Variants in JAZF1 observed in about 807,000 individuals in gnomAD.
JAZF1 encodes the protein JAZF zinc finger 1.
In JAZF1, 8 loss-of-function variants were observed where a neutral mutation model predicts 26.4. The observed-to-expected ratio is 0.30, with a 90% CI of 0.18 to 0.55. The LOEUF is 0.55. Among genes scored for constraint, JAZF1 ranks in the 20% least tolerant of loss-of-function variants. The pLI is 0.94. For synonymous variants in JAZF1, 126 were observed against 122.3 expected, an observed-to-expected ratio of 1.03 and a Z score of -0.20; for missense variants, 199 against 322.0, an observed-to-expected ratio of 0.62 and a Z score of 2.92.
At chr7:27,863,181 C>T (rs564410678) in intron 3 of JAZF1, among the ~76,000 whole-genome samples, 9 of 152,342 alleles carry the variant, frequency 5.9e-5, no homozygotes, top group South Asian at 2.1e-4. Context: ...TCTCTGCCTA[C>T]GGCTACTTCG....
chr7:27,968,749 T>C (rs920444861), intron 2 of JAZF1, among the ~76,000 whole-genome samples: 3 of 152,204 alleles, frequency 2.0e-5, no homozygotes, highest in African/African-American at 7.2e-5. Flanking sequence ...CAGCTTTTCA[T>C]CATACTTATT....
chr7:28,042,506 C>G (rs60825597), intron 1 of JAZF1, among the ~76,000 whole-genome samples: 2,596 of 152,214 alleles, frequency 0.017, 65 homozygotes, highest in African/African-American at 0.057. Flanking sequence ...AAGCAGAAAG[C>G]AAATTAATTT....
chr7:27,900,612 A>G (rs891093576), intron 2 of JAZF1, among the ~76,000 whole-genome samples: 4 of 152,152 alleles, frequency 2.6e-5, no homozygotes, highest in African/African-American at 9.7e-5. Flanking sequence ...TTATTTTTTA[A>G]TGTGGGGAAA....
At chr7:28,056,435 T>TACACACACACAC (rs3073772) in intron 1 of JAZF1, among the ~76,000 whole-genome samples, 14 of 98,202 alleles carry the variant, frequency 1.4e-4, no homozygotes, top group East Asian at 4.3e-4. Context: ...TTTCAACAAC[T>TACACACACACAC]ACACACACAC....
chr7:28,047,341 T>A (rs1783513467), intron 1 of JAZF1, among the ~76,000 whole-genome samples: 1 of 152,138 alleles, frequency 6.6e-6, no homozygotes, highest in African/African-American at 2.4e-5. Flanking sequence ...CTGTATGAAC[T>A]TTAGAAACAA....
At chr7:27,846,392 C>CATATACGTATACGTGTGTAT (rs141603370) in intron 3 of JAZF1, 1 of 418,422 alleles carries the variant, frequency 2.4e-6, no homozygotes, top group Non-Finnish European at 4.9e-6. Context: ...CGTATATATA[C>CATATACGTATACGTGTGTAT]ATATACGTAT....
intron 3 of JAZF1, among the ~76,000 whole-genome samples, chr7:27,867,261 T>G (rs552610212): frequency 6.6e-6 from 1 of 152,308 alleles, no homozygotes; most frequent in South Asian, 2.1e-4. Flanking sequence ...AATTAGGGTC[T>G]GCCAGCCAAA....
At chr7:28,052,287 T>C (rs1488601063) in intron 1 of JAZF1, among the ~76,000 whole-genome samples, 1 of 152,228 alleles carries the variant, frequency 6.6e-6, no homozygotes, top group Non-Finnish European at 1.5e-5. Flanking sequence ...TATTAAAAAA[T>C]GGGTGCTTCT....
intron 1 of JAZF1, among the ~76,000 whole-genome samples, chr7:28,156,681 G>T (rs1233932110): frequency 6.6e-6 from 1 of 152,126 alleles, no homozygotes; most frequent in Non-Finnish European, 1.5e-5. Context: ...TAGGTGTGGG[G>T]CAAGAGGACA....
chr7:28,179,596 G>C (rs1474009881), intron 1 of JAZF1, among the ~76,000 whole-genome samples: 1 of 151,138 alleles, frequency 6.6e-6, no homozygotes, highest in African/African-American at 2.4e-5. Flanking sequence ...CGCCGCAGGG[G>C]CCTCCAGGGC....
intron 2 of JAZF1, among the ~76,000 whole-genome samples, chr7:27,961,365 T>C (rs145825114): frequency 3.3e-5 from 5 of 152,220 alleles, no homozygotes; most frequent in Non-Finnish European, 2.9e-5. Context: ...TTATAATATA[T>C]GATGTGTATA....
chr7:27,992,879 C>T (rs374664649), intron 1 of JAZF1, among the ~76,000 whole-genome samples: 1 of 152,090 alleles, frequency 6.6e-6, no homozygotes, highest in South Asian at 2.1e-4. Context: ...GGCAGTAACC[C>T]CTTCTTTGAT....
intron 4 of JAZF1, among the ~76,000 whole-genome samples, chr7:27,835,179 T>G (rs901733860): frequency 2.0e-5 from 3 of 151,676 alleles, no homozygotes; most frequent in Non-Finnish European, 4.4e-5. Flanking sequence ...TGTCAGAAAA[T>G]AGAGGAAACC....
chr7:27,899,235 G>A (rs1158274390), intron 2 of JAZF1, among the ~76,000 whole-genome samples: 1 of 152,212 alleles, frequency 6.6e-6, no homozygotes, highest in South Asian at 2.1e-4. Flanking sequence ...GAGAAGCCAA[G>A]GAGGCACAGC....
chr7:27,874,244 C>T (rs1783634305), intron 3 of JAZF1, among the ~76,000 whole-genome samples: 1 of 152,222 alleles, frequency 6.6e-6, no homozygotes, highest in African/African-American at 2.4e-5. Flanking sequence ...GCTGAAGGAG[C>T]TGAGGCTGGG....
chr7:27,844,137 A>C (rs564771915), intron 3 of JAZF1: 1 of 152,344 alleles, frequency 6.6e-6, no homozygotes, highest in East Asian at 1.9e-4. Flanking sequence ...AGGCGCTCAG[A>C]TGCTGGCACC....
rs765673336 is a variant in JAZF1 at position 27,840,929 on chromosome 7, G to A, written c.386-62C>T. 6.4e-7 allele frequency: 1 copy of A among 1,561,484 alleles called. No individual in the cohort carries two copies. The highest frequency in any genetic ancestry group is 1.1e-5 in the South Asian group (1 of 87,368). On this transcript the variant is annotated intron_variant, in intron 3 of 4. Coordinates refer to ENST00000283928, the MANE Select transcript of JAZF1 (RefSeq NM_175061.4). This position sits in a 1 kb window ranked among gnomAD's most constrained non-coding sequence, Gnocchi z 5.1. ...GCTCATCTCCCCACAGGTTCACCCG[G>A]CCACTTCCAGGACAGGAGATGTGGC...
chr7:27,967,612 A>G (rs867774566), intron 2 of JAZF1, among the ~76,000 whole-genome samples: 2 of 152,202 alleles, frequency 1.3e-5, no homozygotes, highest in Non-Finnish European at 2.9e-5. Context: ...CTCTAATGCA[A>G]TTTTACACAT....
At chr7:27,973,894 T>C (rs1261449691) in intron 2 of JAZF1, among the ~76,000 whole-genome samples, 2 of 152,156 alleles carry the variant, frequency 1.3e-5, no homozygotes, top group African/African-American at 2.4e-5. Context: ...CGGTGAACTC[T>C]TGGGACAATC....
Sources: gnomAD v4.1 joint callset for allele counts (sites outside exome capture counted in the v4.1 genomes callset) on GRCh38, gnomAD v4.1.1 for gene constraint, Gnocchi (gnomAD v3.1) non-coding constraint, MANE v1.5 for transcripts, NCBI Gene and HGNC (gene_info 2026-07-23, HGNC 2026-07-21) for gene names.